The following ASMTL variants were observed in gnomAD, a reference collection of about 807,000 sequenced individuals.
The protein encoded by ASMTL is acetylserotonin O-methyltransferase like.
ASMTL carries 57 observed loss-of-function variants against 60.3 expected under a neutral mutation model. The ratio of observed to expected loss-of-function variants is 0.95; its 90% CI spans 0.76 to 1.18. The LOEUF (loss-of-function observed/expected upper bound fraction) is 1.18, where lower values mean the gene tolerates loss of function less well. Ranked by LOEUF, ASMTL falls within the 50% of genes most tolerant of loss-of-function variation. ASMTL has a pLI of 0.00. For missense variants in ASMTL, 981 were observed against 852.6 expected (o/e 1.15, Z -1.88); for synonymous variants, 419 against 373.0 (o/e 1.12, Z -1.42).
At chrX:1,422,748 G>A (rs190315486) in intron 8 of ASMTL, among the ~76,000 whole-genome samples, 4 of 152,112 alleles carry the variant, frequency 2.6e-5, no homozygotes, top group South Asian at 2.1e-4. Context: ...CTGAGTGTAC[G>A]GTTTGCTATA....
At chrX:1,416,400 GACAT>G (rs1362672683) in intron 11 of ASMTL, among the ~76,000 whole-genome samples, 4 of 54,632 alleles carry the variant, frequency 7.3e-5, no homozygotes, top group African/African-American at 1.4e-4. Flanking sequence ...CACACACACG[GACAT>G]ACAGATACAC....
intron 11 of ASMTL, among the ~76,000 whole-genome samples, chrX:1,416,833 G>GCACACAGACATGCA (rs1379561848): frequency 3.5e-5 from 5 of 142,264 alleles, no homozygotes; most frequent in African/African-American, 1.3e-4. Context: ...ATACAGATGG[G>GCACACAGACATGCA]CACACAGACA....
intron 5 of ASMTL, 35 bp from the exon 6 acceptor site, chrX:1,432,412 G>A (rs756662926): frequency 5.3e-5 from 82 of 1,553,098 alleles, no homozygotes; most frequent in Admixed American, 8.6e-5. Flanking sequence ...GAGCGTGGAC[G>A]CCAGCTTGTC....
At chrX:1,451,318 C>T (rs1278346254) in intron 1 of ASMTL, among the ~76,000 whole-genome samples, 1 of 146,308 alleles carries the variant, frequency 6.8e-6, no homozygotes, top group Non-Finnish European at 1.5e-5. Context: ...TTCCCCATCC[C>T]TAGGTGGTCC....
intron 12 of ASMTL, among the ~76,000 whole-genome samples, chrX:1,412,331 G>T (rs1456984119): frequency 6.6e-6 from 1 of 152,102 alleles, no homozygotes; most frequent in Non-Finnish European, 1.5e-5. Context: ...GGGTTCAAGT[G>T]ATTCTCCTGC....
intron 9 of ASMTL, 87 bp from the exon 10 acceptor site, chrX:1,419,201 C>G: frequency 6.6e-7 from 1 of 1,509,750 alleles, no homozygotes; most frequent in Non-Finnish European, 9.0e-7. Flanking sequence ...GGGAGAAGTG[C>G]AGGGCTCCAG....
intron 10 of ASMTL, among the ~76,000 whole-genome samples, chrX:1,418,694 G>C (rs111262792): frequency 6.6e-6 from 1 of 152,098 alleles, no homozygotes; most frequent in African/African-American, 2.4e-5. Context: ...GGTGAGTCAG[G>C]ATATAATCAG....
intron 12 of ASMTL, 126 bp from the exon 13 acceptor site, chrX:1,403,615 C>T (rs1441284045): frequency 1.2e-6 from 1 of 808,894 alleles, no homozygotes; most frequent in Non-Finnish European, 2.0e-6. Flanking sequence ...AACCCTTGGC[C>T]AGGGGGCCCA....
rs778875603 is a variant in ASMTL, at chrX:1,439,062, G to A, written c.273+35C>T. ...TCACCAAGCACAGGAAAACCACATC[G>A]GACATTAGAAACGAGGCACCCTGGC... On this transcript the variant is annotated intron_variant, in intron 3 of 12. Transcript: ENST00000381317. The A allele has an allele frequency of 1.7e-5, 28 of 1,610,382 alleles. No homozygotes were observed. In the African/African-American group the frequency reaches 2.3e-4, roughly 13 times the overall value.
chrX:1,445,181 G>A (rs2091207280), intron 1 of ASMTL, among the ~76,000 whole-genome samples: 1 of 152,124 alleles, frequency 6.6e-6, no homozygotes, highest in Admixed American at 6.5e-5. Context: ...GCGGCACTAA[G>A]CTAGAAGCGA....
intron 6 of ASMTL, chrX:1,431,969 C>T: frequency 2.2e-6 from 1 of 457,506 alleles, no homozygotes; most frequent in South Asian, 2.9e-5. Flanking sequence ...CCTCTGGGGT[C>T]TCCTCCTCCC....
intron 6 of ASMTL, 38 bp downstream of exon 6, chrX:1,432,231 C>T (rs749547227): frequency 6.5e-7 from 1 of 1,532,512 alleles, no homozygotes. Context: ...CAGGCTTCCA[C>T]ACGTGTCCCC....
intron 5 of ASMTL, among the ~76,000 whole-genome samples, chrX:1,433,427 A>T (rs1273759850): frequency 2.1e-5 from 3 of 141,046 alleles, no homozygotes; most frequent in African/African-American, 5.2e-5. Context: ...GCACTTTGGG[A>T]GGCCGAGGCG....
intron 1 of ASMTL, among the ~76,000 whole-genome samples, chrX:1,447,814 C>T (rs1461147045): frequency 1.3e-5 from 2 of 151,540 alleles, no homozygotes; most frequent in South Asian, 2.1e-4. Flanking sequence ...TGGACACACA[C>T]AGCTATCTTG....
intron 3 of ASMTL, among the ~76,000 whole-genome samples, chrX:1,437,847 A>G (rs2091010483): frequency 6.6e-6 from 1 of 151,460 alleles, no homozygotes; most frequent in African/African-American, 2.4e-5. Flanking sequence ...CAATGAGCTG[A>G]GATCATGCCA....
At chrX:1,418,875 T>G (rs1207065713) in intron 10 of ASMTL, 107 bp downstream of exon 10, 1 of 1,419,358 alleles carries the variant, frequency 7.0e-7, no homozygotes, top group Non-Finnish European at 9.8e-7. Flanking sequence ...CAGGTCGTTA[T>G]CAGGTTTGTC....
chrX:1,422,256 AC>A (rs1394977446), intron 8 of ASMTL, among the ~76,000 whole-genome samples: 2 of 152,096 alleles, frequency 1.3e-5, no homozygotes, highest in African/African-American at 2.4e-5. Context: ...AAGGAGATTA[AC>A]CCCCCAAAAT....
At position 1,427,916 on chromosome X, in the gene ASMTL, T is replaced by G; in HGVS notation, c.715A>C (p.Ser239Arg). The G allele has an allele frequency of 1.9e-6, 3 of 1,613,360 alleles. No homozygotes were observed. The highest frequency in any genetic ancestry group is 2.5e-6 in the Non-Finnish European group (3 of 1,179,816). Residue 239 changes from serine (S) to arginine (R), a missense_variant, in exon 7 of 13, where the codon AGT (serine) becomes CGT (arginine). Coordinates refer to ENST00000381317, the MANE Select transcript of ASMTL (RefSeq NM_004192.4). ...TCCGAGCCGCCCCCCTCCACGTCACTGAGGTCTTCGAAGGTGTCCGCGGCC... is the reference window on the plus strand; with the variant it reads ...TCCGAGCCGCCCCCCTCCACGTCACGGAGGTCTTCGAAGGTGTCCGCGGCC... ...IPAADTFEDL[S>R]DVEGGGSEPT... is the part of the protein sequence containing the mutation.
intron 12 of ASMTL, among the ~76,000 whole-genome samples, chrX:1,404,711 TGGATGCATGGATG>T (rs1190017677): frequency 2.0e-5 from 3 of 148,504 alleles, no homozygotes; most frequent in African/African-American, 7.6e-5. Context: ...GATGGACAGA[TGGATGCATGGATG>T]AGATGGATGG....
Sources: gnomAD v4.1 joint callset for allele counts (sites outside exome capture counted in the v4.1 genomes callset) on GRCh38, gnomAD v4.1.1 for gene constraint, MANE v1.5 for transcripts, NCBI Gene and HGNC (gene_info 2026-07-23, HGNC 2026-07-21) for gene names.